Variants in CACNA1D observed in about 807,000 individuals in gnomAD.
The protein encoded by CACNA1D is voltage-dependent L-type calcium channel subunit alpha-1D.
A neutral mutation model predicts 257.1 loss-of-function variants in CACNA1D; 55 were observed. That is an observed-to-expected ratio of 0.21 (90% confidence interval 0.17 to 0.27). The LOEUF is 0.27. CACNA1D is among the 10% of genes least tolerant of loss of function. CACNA1D has a pLI of 1.00. For missense variants in CACNA1D, 1,876 were observed against 2,784.0 expected, an observed-to-expected ratio of 0.67 and a Z score of 7.34; for synonymous variants, 980 against 1,014.9, an observed-to-expected ratio of 0.97 and a Z score of 0.65.
intron 2 of CACNA1D, among the ~76,000 whole-genome samples, chr3:53,499,411 C>A (rs989353812): frequency 4.6e-5 from 7 of 152,020 alleles, no homozygotes; most frequent in Non-Finnish European, 1.0e-4. Context: ...AGGCCCCATC[C>A]GCAGTGGGAG....
At chr3:53,642,904 TAGTC>T (rs1481589645) in intron 3 of CACNA1D, among the ~76,000 whole-genome samples, 7 of 152,212 alleles carry the variant, frequency 4.6e-5, no homozygotes, top group African/African-American at 1.7e-4. Flanking sequence ...CACCTATCCT[TAGTC>T]AGGGCGAGCC....
intron 39 of CACNA1D, among the ~76,000 whole-genome samples, chr3:53,783,660 G>A (rs556121726): frequency 5.3e-5 from 8 of 152,332 alleles, no homozygotes; most frequent in East Asian, 3.9e-4. Flanking sequence ...AGGAAGTTCC[G>A]AAGGCAGTGG....
intron 3 of CACNA1D, among the ~76,000 whole-genome samples, chr3:53,538,141 GTTTTTTTTTTTTT>G (rs538996336): frequency 3.3e-5 from 3 of 90,468 alleles, no homozygotes; most frequent in South Asian, 8.3e-4. Context: ...AGTTTTTGAA[GTTTTTTTTTTTTT>G]TTTTTTTTTT....
At chr3:53,674,507 G>A (rs1463894579) in intron 8 of CACNA1D, among the ~76,000 whole-genome samples, 1 of 152,170 alleles carries the variant, frequency 6.6e-6, no homozygotes, top group East Asian at 1.9e-4. Context: ...TTTGAAGTTT[G>A]CTTGTTTATC....
At chr3:53,569,566 C>T (rs956332519) in intron 3 of CACNA1D, among the ~76,000 whole-genome samples, 1 of 152,162 alleles carries the variant, frequency 6.6e-6, no homozygotes, top group Non-Finnish European at 1.5e-5. Flanking sequence ...TGTCTCAGGT[C>T]CTGTCTCAAC....
At chr3:53,717,394 C>A (rs1261050777) in intron 9 of CACNA1D, among the ~76,000 whole-genome samples, 1 of 141,082 alleles carries the variant, frequency 7.1e-6, no homozygotes, top group Admixed American at 6.8e-5. Flanking sequence ...TCCTCCACTG[C>A]CTGGGCTCCA....
At chr3:53,517,756 A>G (rs1461175620) in intron 3 of CACNA1D, among the ~76,000 whole-genome samples, 1 of 152,188 alleles carries the variant, frequency 6.6e-6, no homozygotes. Flanking sequence ...TGCTGGGATT[A>G]CAGGCATGAG....
chr3:53,729,827 C>A (rs1320288947), intron 15 of CACNA1D, among the ~76,000 whole-genome samples: 1 of 152,152 alleles, frequency 6.6e-6, no homozygotes, highest in Non-Finnish European at 1.5e-5. Context: ...CACAACAGTC[C>A]AGCACCAGGT....
chr3:53,778,064 T>G (rs942937378), intron 37 of CACNA1D, among the ~76,000 whole-genome samples: 4 of 152,180 alleles, frequency 2.6e-5, no homozygotes, highest in Non-Finnish European at 4.4e-5. Flanking sequence ...CTAAAATATG[T>G]TTCAGACTCT....
intron 3 of CACNA1D, among the ~76,000 whole-genome samples, chr3:53,514,230 C>G (rs2091240774): frequency 6.6e-6 from 1 of 152,068 alleles, no homozygotes; most frequent in Non-Finnish European, 1.5e-5. Context: ...ACCCGGACTT[C>G]TGACTCAAGC....
chr3:53,785,607 C>A (rs1225598896), intron 39 of CACNA1D: 2 of 152,244 alleles, frequency 1.3e-5, no homozygotes, highest in African/African-American at 4.8e-5. Context: ...ACCGTCAGCA[C>A]ATTTTAAAAT....
rs1576684589 is a variant in CACNA1D, at chr3:53,793,222, C to T, written c.4923+6270C>T. On this transcript the variant is annotated intron_variant, in intron 40 of 47. Transcript: ENST00000350061. This position sits in a 1 kb window ranked among gnomAD's most constrained non-coding sequence, Gnocchi z 4.1. ...CTGGCATTGCAGGGAGCCTCCAGGA[C>T]CCTGCTGTGATCCAAAGGCCCACTT... 1.3e-5 allele frequency among the ~76,000 whole-genome samples: 2 copies of T among 152,322 alleles called. No homozygotes were observed. Among genetic ancestry groups the T allele is most frequent in the South Asian group, 4.1e-4 (2 of 4,826 alleles).
chr3:53,717,240 T>G (rs1559561590), intron 9 of CACNA1D, among the ~76,000 whole-genome samples: 1 of 152,220 alleles, frequency 6.6e-6, no homozygotes, highest in Non-Finnish European at 1.5e-5. Context: ...CCGGCAGAAT[T>G]AATCCTTCTT....
rs2095598205 is a variant in CACNA1D at position 53,811,054 on chromosome 3, C to T, written c.6193-59C>T. The T allele has an allele frequency of 1.5e-6, 2 of 1,374,196 alleles. No individual in the cohort carries two copies. Among genetic ancestry groups the T allele is most frequent in the South Asian group, 1.2e-5 (1 of 86,028 alleles). The allele number at this position is 1,374,196 out of a possible 1,614,324, so 85.1% of individuals were successfully genotyped here. On this transcript the variant is annotated intron_variant, in intron 47 of 47. Transcript: ENST00000350061. This position sits in a 1 kb window ranked among gnomAD's most constrained non-coding sequence, Gnocchi z 4.2. Reference sequence around the variant, plus strand: ...CACTGGAGTTGATTTTTCTGTCGTCCCCCTGCCCTGCAAAGCCTTATAACA... The same window carrying T: ...CACTGGAGTTGATTTTTCTGTCGTCTCCCTGCCCTGCAAAGCCTTATAACA...
At chr3:53,542,440 ATGGTGG>A (rs1255077299) in intron 3 of CACNA1D, among the ~76,000 whole-genome samples, 3 of 152,004 alleles carry the variant, frequency 2.0e-5, no homozygotes, top group Non-Finnish European at 2.9e-5. Context: ...TTAGCAGAGC[ATGGTGG>A]TGGTGTGGCT....
intron 9 of CACNA1D, among the ~76,000 whole-genome samples, chr3:53,708,598 T>C (rs2094716796): frequency 6.6e-6 from 1 of 152,244 alleles, no homozygotes; most frequent in Non-Finnish European, 1.5e-5. Context: ...TGATGGGAGC[T>C]GGACTCAGGG....
chr3:53,756,215 A>G (rs901328474), intron 29 of CACNA1D, among the ~76,000 whole-genome samples: 1 of 152,226 alleles, frequency 6.6e-6, no homozygotes, highest in Non-Finnish European at 1.5e-5. Context: ...GGTTAAAGAA[A>G]GTTGAGAAAT....
chr3:53,512,831 C>A (rs139566434), intron 3 of CACNA1D, among the ~76,000 whole-genome samples: 5 of 152,284 alleles, frequency 3.3e-5, no homozygotes, highest in African/African-American at 1.2e-4. Flanking sequence ...CGGTGCAAAC[C>A]TAATGACGGT....
chr3:53,526,329 C>T (rs1250476911), intron 3 of CACNA1D, among the ~76,000 whole-genome samples: 1 of 152,202 alleles, frequency 6.6e-6, no homozygotes, highest in Non-Finnish European at 1.5e-5. Flanking sequence ...TGAACTCTGG[C>T]CTGACCCATT....
Sources: allele counts gnomAD v4.1 joint callset (sites outside exome capture counted in the v4.1 genomes callset), GRCh38; gene constraint gnomAD v4.1.1; non-coding constraint Gnocchi (gnomAD v3.1); transcripts MANE v1.5; gene names NCBI Gene and HGNC (gene_info 2026-07-23, HGNC 2026-07-21).